The following FRMD3 variants were observed in gnomAD, a reference collection of about 807,000 sequenced individuals.
The protein encoded by FRMD3 is FERM domain-containing protein 3.
Under a neutral mutation model 70.2 loss-of-function variants are expected in FRMD3, and 33 were observed. The observed-to-expected ratio is 0.47, with a 90% CI of 0.36 to 0.63. The LOEUF is 0.63. Ranked by LOEUF, FRMD3 falls within the 20% of genes least tolerant of loss-of-function variation. The pLI is 0.00. For synonymous variants in FRMD3, 279 were observed against 255.9 expected, an observed-to-expected ratio of 1.09 and a Z score of -0.86; for missense variants, 632 against 711.4, an observed-to-expected ratio of 0.89 and a Z score of 1.27.
chr9:83,369,193 T>C (rs953185155), intron 3 of FRMD3, among the ~76,000 whole-genome samples: 10 of 152,202 alleles, frequency 6.6e-5, no homozygotes, highest in Admixed American at 2.0e-4. Context: ...TTTCACAAAA[T>C]GCAGTACTGT....
intron 1 of FRMD3, among the ~76,000 whole-genome samples, chr9:83,457,774 A>G (rs2131430486): frequency 6.6e-6 from 1 of 152,182 alleles, no homozygotes; most frequent in Admixed American, 6.5e-5. Flanking sequence ...GAAATTTCCT[A>G]AGACCTGATC....
intron 2 of FRMD3, among the ~76,000 whole-genome samples, chr9:83,378,415 C>G (rs1367234091): frequency 6.8e-6 from 1 of 146,420 alleles, no homozygotes; most frequent in Non-Finnish European, 1.5e-5. Flanking sequence ...GTATCTGGGA[C>G]TACAGGTGCA....
chr9:83,571,126 G>A, the FRMD3 span, among the ~76,000 whole-genome samples: 2 of 152,142 alleles, frequency 1.3e-5, no homozygotes, highest in Non-Finnish European at 2.9e-5. Context: ...GTGAGCACTT[G>A]CTCTCTCAGG....
intron 1 of FRMD3, among the ~76,000 whole-genome samples, chr9:83,490,798 T>TCA (rs60065758): frequency 0.013 from 1,428 of 110,686 alleles, 24 homozygotes; most frequent in South Asian, 0.043. Context: ...TCTCTCTCTC[T>TCA]CACACACACA....
chr9:83,366,156 A>T (rs1168038536), intron 3 of FRMD3, among the ~76,000 whole-genome samples: 3 of 152,004 alleles, frequency 2.0e-5, no homozygotes, highest in Non-Finnish European at 2.9e-5. Context: ...TGGGGTGGAG[A>T]GAAAGGGAAA....
chr9:83,252,009 C>CAGGAAATGCAG (rs1269420828), intron 13 of FRMD3, among the ~76,000 whole-genome samples: 2 of 152,166 alleles, frequency 1.3e-5, no homozygotes, highest in Non-Finnish European at 2.9e-5. Flanking sequence ...CATTCAAACT[C>CAGGAAATGCAG]AGGAAATGCA....
intron 5 of FRMD3, among the ~76,000 whole-genome samples, chr9:83,342,762 G>A (rs990909371): frequency 6.6e-6 from 1 of 151,998 alleles, no homozygotes. Context: ...ATGCTTCCAG[G>A]GATGACCCCT....
At chr9:83,585,136 C>G in the FRMD3 span, among the ~76,000 whole-genome samples, 1 of 152,096 alleles carries the variant, frequency 6.6e-6, no homozygotes, top group Non-Finnish European at 1.5e-5. Flanking sequence ...GTGGCAGCAG[C>G]CTGGAAGACA....
At chr9:83,243,181 G>A (rs761514626), downstream of FRMD3, 46 of 1,549,824 alleles carry the variant, frequency 3.0e-5, no homozygotes, top group Non-Finnish European at 3.7e-5. Context: ...GCTCACCACG[G>A]GCAGGTTCTG....
chr9:83,413,843 A>G (rs913757656), intron 1 of FRMD3, among the ~76,000 whole-genome samples: 16 of 152,216 alleles, frequency 1.1e-4, no homozygotes, highest in Non-Finnish European at 1.5e-5. Flanking sequence ...CAGAAAGAAA[A>G]CTATTAGAGA....
chr9:83,461,665 C>CTTTTTTTTTTTTTTTTTTTTTT (rs200147815), intron 1 of FRMD3, among the ~76,000 whole-genome samples: 2 of 70,682 alleles, frequency 2.8e-5, no homozygotes, highest in East Asian at 3.7e-4. Flanking sequence ...AGGAATTTCC[C>CTTTTTTTTTTTTTTTTTTTTTT]TTTTTTTTTT....
At chr9:83,450,468 A>T (rs1827623010) in intron 1 of FRMD3, among the ~76,000 whole-genome samples, 1 of 150,802 alleles carries the variant, frequency 6.6e-6, no homozygotes, top group Non-Finnish European at 1.5e-5. Flanking sequence ...CTAATGTGTC[A>T]TCTAGCATTA....
intron 1 of FRMD3, among the ~76,000 whole-genome samples, chr9:83,525,605 G>A (rs2131551147): frequency 6.6e-6 from 1 of 152,298 alleles, no homozygotes; most frequent in East Asian, 1.9e-4. Context: ...TCCTGACACT[G>A]TCTCAAAGGG....
chr9:83,313,972 A>T (rs562276286), intron 6 of FRMD3, among the ~76,000 whole-genome samples: 71 of 152,280 alleles, frequency 4.7e-4, no homozygotes, highest in African/African-American at 1.6e-3. Flanking sequence ...ACCCACACGC[A>T]CTCTGAGCGC....
In FRMD3 at chr9:83,312,421, A is replaced by G. The variant is rs547099884; in HGVS notation, c.685-446T>C. ...TTTCTGGAAATTTCAGTATAAAAATATCTCCAGAAAAGCTTACTGTGCTTC... is the reference window on the plus strand; with the variant it reads ...TTTCTGGAAATTTCAGTATAAAAATGTCTCCAGAAAAGCTTACTGTGCTTC... On this transcript the variant is annotated intron_variant, in intron 7 of 13. Coordinates refer to ENST00000304195, the MANE Select transcript of FRMD3 (RefSeq NM_174938.6). Among the ~76,000 whole-genome samples the G allele has an allele frequency of 7.8e-4, 119 of 152,362 alleles. 1 individual carries two copies. Among genetic ancestry groups the G allele is most frequent in the African/African-American group, 2.8e-3 (115 of 41,582 alleles).
At chr9:83,397,845 C>A (rs1403551212) in intron 1 of FRMD3, among the ~76,000 whole-genome samples, 1 of 152,136 alleles carries the variant, frequency 6.6e-6, no homozygotes, top group East Asian at 1.9e-4. Flanking sequence ...CCAGAAACTC[C>A]ATGAGGAGCT....
chr9:83,326,680 T>C (rs1202759419), intron 6 of FRMD3, among the ~76,000 whole-genome samples: 1 of 152,208 alleles, frequency 6.6e-6, no homozygotes, highest in Non-Finnish European at 1.5e-5. Flanking sequence ...TGGGCATCTG[T>C]TTCTGGCAAA....
chr9:83,378,536 A>G (rs1220893319), intron 2 of FRMD3, among the ~76,000 whole-genome samples: 2 of 129,662 alleles, frequency 1.5e-5, no homozygotes, highest in Non-Finnish European at 3.2e-5. Context: ...ATTTATATAT[A>G]TAATATACAT....
intron 12 of FRMD3, among the ~76,000 whole-genome samples, chr9:83,292,044 A>G (rs557788735): frequency 2.6e-5 from 4 of 152,284 alleles, no homozygotes; most frequent in South Asian, 2.1e-4. Context: ...TGCAGCTGAT[A>G]TATACAAATT....
Sources: gnomAD v4.1 joint callset for allele counts (sites outside exome capture counted in the v4.1 genomes callset) on GRCh38, gnomAD v4.1.1 for gene constraint, MANE v1.5 for transcripts, NCBI Gene and HGNC (gene_info 2026-07-23, HGNC 2026-07-21) for gene names.